The following PPFIA3 variants were observed in gnomAD, a reference collection of about 807,000 sequenced individuals.
PPFIA3 encodes the protein liprin-alpha-3.
Under a neutral mutation model 145.8 loss-of-function variants are expected in PPFIA3, and 26 were observed. The observed-to-expected ratio is 0.18, with a 90% confidence interval of 0.13 to 0.25. The LOEUF is 0.25. Among genes scored for constraint, PPFIA3 ranks in the 10% least tolerant of loss-of-function variants. The pLI is 1.00. For missense variants in PPFIA3, 1,008 were observed against 1,587.8 expected (o/e 0.63, Z 6.21); for synonymous variants, 645 against 661.4 (o/e 0.98, Z 0.38).
rs1315289920 is a variant in PPFIA3 at position 49,142,744 on chromosome 19, C to T, written c.2545-60C>T. 2.0e-6 allele frequency: 3 copies of T among 1,482,630 alleles called. No individual in the cohort carries two copies. The African/African-American group carries it at 4.2e-5, about 21-fold the overall frequency. 91.8% of individuals were successfully genotyped at this position (1,482,630 alleles called of 1,614,324 possible). ...TCCCCACCTCCCTGTTCCCCCATCT[C>T]TCCGATTTTCTCCTCCTCTGTCCCT... On this transcript the variant is annotated intron_variant, in intron 20 of 29. Transcript: ENST00000334186.
At chr19:49,143,035 G>T (rs372807148) in intron 21 of PPFIA3, 31 bp downstream of exon 21, 6 of 1,591,060 alleles carry the variant, frequency 3.8e-6, no homozygotes, top group Non-Finnish European at 5.1e-6. Flanking sequence ...TCCAGCCTTC[G>T]CTTCCTCAGA....
chr19:49,136,299 A>C (rs2041136468), intron 14 of PPFIA3, among the ~76,000 whole-genome samples: 1 of 152,112 alleles, frequency 6.6e-6, no homozygotes, highest in African/African-American at 2.4e-5. Context: ...GGGACCTGTC[A>C]AGAGAGGAAG....
At chr19:49,126,920 G>C (rs1310342909) in intron 1 of PPFIA3, among the ~76,000 whole-genome samples, 2 of 151,888 alleles carry the variant, frequency 1.3e-5, no homozygotes, top group Non-Finnish European at 2.9e-5. Context: ...GCTTAGGTTT[G>C]CTGCCACTGT....
rs3032695 is a variant in PPFIA3, at chr19:49,137,628, C to CAAAAAAAAAAAA, written c.1854-558_1854-547dup. Reference sequence around the variant, plus strand: ...TGGGCTACAGAGCGAGACTCCGTGTCAAAAAAAAAAAAAAAAAAAAAAAAA... The same window carrying CAAAAAAAAAAAA: ...TGGGCTACAGAGCGAGACTCCGTGTCAAAAAAAAAAAAAAAAAAAAAAAAAAAAAAAAAAAAA... On this transcript the variant is annotated intron_variant, in intron 15 of 29. Coordinates refer to ENST00000334186, the MANE Select transcript of PPFIA3 (RefSeq NM_003660.4). Among the ~76,000 whole-genome samples the CAAAAAAAAAAAA allele has an allele frequency of 8.5e-4, 37 of 43,782 alleles. 7 individuals are homozygous for CAAAAAAAAAAAA. The highest frequency in any genetic ancestry group is 1.2e-3 in the Non-Finnish European group (29 of 24,152). 28.7% of individuals were successfully genotyped at this position (43,782 alleles called of 152,430 possible).
Position 49,130,517 on chromosome 19 carries a change from TGGA to T in PPFIA3, c.805_807del (p.Glu269del), listed in dbSNP as rs2041055975. On this transcript the variant is annotated inframe_deletion, in exon 7 of 30. Coordinates refer to ENST00000334186, the MANE Select transcript of PPFIA3 (RefSeq NM_003660.4). This position sits in a 1 kb window ranked among gnomAD's most constrained non-coding sequence, Gnocchi z 4.5. ...GTGCTGTGCCGTCAGATGAGCCAGC[TGGA>T]GGAGGAGTTGGGCACCGCGCACCGT... 6.3e-7 allele frequency: 1 copy of T among 1,593,032 alleles called. No homozygotes were observed. Among genetic ancestry groups the T allele is most frequent in the Non-Finnish European group, 8.5e-7 (1 of 1,170,828 alleles).
chr19:49,142,666 T>C lies in PPFIA3; in HGVS notation c.2545-138T>C, dbSNP rs1166677172. ...ACGTCTCTTTTCCTTGTCCTGTTTC[T>C]TCTCCTTGCGAACTTTCCCACGTCT... is the stretch of plus-strand genomic sequence containing the variant. On this transcript the variant is annotated intron_variant, in intron 20 of 29. Coordinates refer to ENST00000334186, the MANE Select transcript of PPFIA3 (RefSeq NM_003660.4). 5.4e-6 allele frequency: 3 copies of C among 555,160 alleles called. No individual in the cohort carries two copies. The African/African-American group carries it at 6.0e-5, about 11-fold the overall frequency. 34.4% of individuals were successfully genotyped at this position (555,160 alleles called of 1,614,324 possible).
At chr19:49,145,894 C>A (rs377020153) in intron 21 of PPFIA3, 49 bp from the exon 22 acceptor site, 1 of 1,558,008 alleles carries the variant, frequency 6.4e-7, no homozygotes, top group African/African-American at 1.4e-5. Flanking sequence ...CTTCCTCTCC[C>A]CCACGCGAAG....
intron 1 of PPFIA3, among the ~76,000 whole-genome samples, chr19:49,126,797 C>T (rs1006412322): frequency 1.3e-5 from 2 of 151,966 alleles, no homozygotes; most frequent in African/African-American, 2.4e-5. Flanking sequence ...CCTACCCATG[C>T]AGTGGGTTGA....
Position 49,148,987 on chromosome 19 carries a change from C to T in PPFIA3, c.3110-6C>T, listed in dbSNP as rs2041311275. The T allele has an allele frequency of 6.2e-7, 1 of 1,612,902 alleles. No homozygotes were observed. Among genetic ancestry groups the T allele is most frequent in the Non-Finnish European group, 8.5e-7 (1 of 1,179,408 alleles). On this transcript the variant is annotated splice_region_variant and splice_polypyrimidine_tract_variant and intron_variant, in intron 25 of 29. Transcript: ENST00000334186. ...GGGCACGGCTGAGGGTCCCTTCCGT[C>T]CCCAGACGTGATGGTGTGGTCCAAT... is the stretch of plus-strand genomic sequence containing the variant.
At chr19:49,134,238 G>T in intron 11 of PPFIA3, 73 bp downstream of exon 11, 4 of 1,533,000 alleles carry the variant, frequency 2.6e-6, no homozygotes, top group Non-Finnish European at 3.5e-6. Context: ...GGGGCCCCAG[G>T]CCTTTCCCTC....
chr19:49,121,107 C>T (rs1332917828), intron 1 of PPFIA3, among the ~76,000 whole-genome samples: 1 of 152,160 alleles, frequency 6.6e-6, no homozygotes. Context: ...TCAGGACTCT[C>T]TACTCTTTCC....
chr19:49,128,241 C>A lies in PPFIA3; in HGVS notation c.241-126C>A. 1 of 1,492,512 alleles carries A rather than the reference C, an allele frequency of 6.7e-7. No individual in the cohort carries two copies. The highest frequency in any genetic ancestry group is 1.2e-5 in the South Asian group (1 of 81,194). The allele number at this position is 1,492,512 out of a possible 1,614,324, so 92.5% of individuals were successfully genotyped here. ...CGAGGCTTGCCGTTAATGGGCGGGG[C>A]CTGAGTGGCAAGGGACAGCGGGACT... On this transcript the variant is annotated intron_variant, in intron 2 of 29. Transcript: ENST00000334186. The surrounding 1 kb of genome is among the most constrained non-coding windows in gnomAD (Gnocchi z 4.1).
chr19:49,148,364 C>CT (rs1335004749), intron 24 of PPFIA3, 106 bp downstream of exon 24: 3 of 1,276,878 alleles, frequency 2.3e-6, no homozygotes, highest in African/African-American at 3.0e-5. Flanking sequence ...TATCTTGGCC[C>CT]TTTTAGCCTG....
Position 49,148,779 on chromosome 19 carries a change from G to T in PPFIA3, c.3109+16G>T. On this transcript the variant is annotated intron_variant, in intron 25 of 29. Coordinates refer to ENST00000334186, the MANE Select transcript of PPFIA3 (RefSeq NM_003660.4). ...CAGATCCGAGGTGAGTAGAGCCTAA[G>T]GGTCCCTTTGGGAGCCAGGTGGAGG... The T allele has an allele frequency of 6.2e-7, 1 of 1,604,030 alleles. No homozygotes were observed. Among genetic ancestry groups the T allele is most frequent in the South Asian group, 1.1e-5 (1 of 90,818 alleles).
intron 15 of PPFIA3, among the ~76,000 whole-genome samples, chr19:49,137,656 A>AAAAAAAAAAAAAAAAAAAAAAAAC (rs2041156894): frequency 7.9e-6 from 1 of 126,940 alleles, no homozygotes; most frequent in Non-Finnish European, 1.7e-5. Flanking sequence ...AAAAAAAAAA[A>AAAAAAAAAAAAAAAAAAAAAAAAC]AAGTCCCCAA....
chr19:49,137,615 C>G (rs1470039608), intron 15 of PPFIA3, among the ~76,000 whole-genome samples: 2 of 76,226 alleles, frequency 2.6e-5, no homozygotes, highest in Admixed American at 1.9e-4. Context: ...GGCTACAGAG[C>G]GAGACTCCGT....
Position 49,149,313 on chromosome 19 carries a change from G to A in PPFIA3, c.3342G>A (p.Arg1114=), listed in dbSNP as rs200281137. 43 of 1,614,110 alleles carry A rather than the reference G, an allele frequency of 2.7e-5. No individual in the cohort carries two copies. Among genetic ancestry groups the A allele is most frequent in the Non-Finnish European group, 3.6e-5 (43 of 1,180,032 alleles). The change falls in exon 27 of 30, where the codon AGG becomes AGA. Residue 1114 remains arginine (R), a synonymous_variant. Coordinates refer to ENST00000334186, the MANE Select transcript of PPFIA3 (RefSeq NM_003660.4). This position sits in a 1 kb window ranked among gnomAD's most constrained non-coding sequence, Gnocchi z 5.7. ...FSNLISLGTD[R]RLDEDSAKSF... ...ACCTTATCTCCTTAGGCACAGACAGGCGGCTGGACGAGGTGGGCGCGGCAA... is the reference window on the plus strand; with the variant it reads ...ACCTTATCTCCTTAGGCACAGACAGACGGCTGGACGAGGTGGGCGCGGCAA...
intron 15 of PPFIA3, 78 bp downstream of exon 15, chr19:49,136,989 A>G: frequency 3.0e-6 from 4 of 1,347,088 alleles, no homozygotes; most frequent in Non-Finnish European, 3.9e-6. Context: ...GGAGGCCTGA[A>G]AGCCTGAGTC....
chr19:49,144,483 G>A (rs767268192), intron 21 of PPFIA3, among the ~76,000 whole-genome samples: 6 of 152,044 alleles, frequency 3.9e-5, no homozygotes, highest in Non-Finnish European at 7.4e-5. Flanking sequence ...GGAGGCTTTG[G>A]ATGGCCGATC....
Sources: gnomAD v4.1 joint callset for allele counts (sites outside exome capture counted in the v4.1 genomes callset) on GRCh38, gnomAD v4.1.1 for gene constraint, Gnocchi (gnomAD v3.1) non-coding constraint, MANE v1.5 for transcripts, NCBI Gene and HGNC (gene_info 2026-07-23, HGNC 2026-07-21) for gene names.